BCO2: variants seen among roughly 807,000 people sequenced by gnomAD.
BCO2 encodes carotenoid-cleaving dioxygenase, mitochondrial.
In BCO2, 56 loss-of-function variants were observed where a neutral mutation model predicts 65.8. The ratio of observed to expected loss-of-function variants is 0.85; its 90% CI spans 0.69 to 1.06. The LOEUF (loss-of-function observed/expected upper bound fraction) is 1.06, where lower values mean the gene tolerates loss of function less well. Ranked by LOEUF, BCO2 falls within the 50% of genes least tolerant of loss-of-function variation. BCO2 has a pLI of 0.00. For missense variants in BCO2, 675 were observed against 698.5 expected, an observed-to-expected ratio of 0.97 and a Z score of 0.38; for synonymous variants, 233 against 242.3, an observed-to-expected ratio of 0.96 and a Z score of 0.36.
chr11:112,192,311 C>G (rs1867413621), intron 2 of BCO2, among the ~76,000 whole-genome samples: 1 of 152,090 alleles, frequency 6.6e-6, no homozygotes, highest in South Asian at 2.1e-4. Context: ...TTTGGGGAGG[C>G]AAAATTTCCC....
chr11:112,205,175 C>T (rs535525716), intron 8 of BCO2, among the ~76,000 whole-genome samples: 59 of 152,248 alleles, frequency 3.9e-4, no homozygotes, highest in African/African-American at 1.4e-3. Context: ...ACCTCTACCC[C>T]ACTCCGTGTT....
At chr11:112,206,172 C>A (rs1376844913) in intron 8 of BCO2, among the ~76,000 whole-genome samples, 1 of 148,836 alleles carries the variant, frequency 6.7e-6, no homozygotes, top group Non-Finnish European at 1.5e-5. Context: ...GGGGGCCGGG[C>A]AGAGGCGCTC....
rs1158912016 is a variant in BCO2, at chr11:112,200,646, A to T, written c.899A>T (p.Gln300Leu). 4.3e-6 allele frequency: 7 copies of T among 1,611,404 alleles called. No homozygotes were observed. The East Asian group carries it at 1.3e-4, about 31-fold the overall frequency. ...AGGAACTATATAATTTTCATTGAAC[A>T]ACCTCTAAAGATGAACCTGTGGAAA... ...MTRNYIIFIE[Q>L]PLKMNLWKIA... Residue 300 changes from glutamine to leucine, a missense_variant, in exon 7 of 12, where the codon CAA becomes CTA. Physicochemically the swap from Gln to Leu is moderately radical, Grantham distance 113. Coordinates refer to ENST00000357685, the MANE Select transcript of BCO2 (RefSeq NM_031938.7).
chr11:112,218,852 C>T lies in BCO2; in HGVS notation c.*978C>T, dbSNP rs1358504580. 1.3e-5 allele frequency: 2 copies of T among 152,026 alleles called. No homozygotes were observed. The highest frequency in any genetic ancestry group is 2.9e-5 in the Non-Finnish European group (2 of 68,018). 9.4% of individuals were successfully genotyped at this position (152,026 alleles called of 1,614,324 possible). A position where few individuals can be genotyped will look rare whatever the true frequency, so the allele number is the denominator to read the frequency against. On this transcript the variant is annotated 3_prime_UTR_variant, in exon 12 of 12. Transcript: ENST00000357685. ...AATAATTAAGAAAGTATTGATACAACCTTTTGAAGAGGGTTTTAAATTTCA... is the reference window on the plus strand; with the variant it reads ...AATAATTAAGAAAGTATTGATACAATCTTTTGAAGAGGGTTTTAAATTTCA...
chr11:112,198,487 G>T (rs987544769), intron 5 of BCO2, among the ~76,000 whole-genome samples: 9 of 151,956 alleles, frequency 5.9e-5, no homozygotes, highest in Admixed American at 5.3e-4. Flanking sequence ...AATAAATAAA[G>T]AACTGTACTG....
intron 2 of BCO2, 122 bp downstream of exon 2, chr11:112,179,604 T>A: frequency 2.3e-6 from 2 of 884,984 alleles, no homozygotes; most frequent in Non-Finnish European, 3.5e-6. Flanking sequence ...TGATTACAGA[T>A]AAAGAAACTG....
chr11:112,211,114 C>T (rs963129200), intron 8 of BCO2, among the ~76,000 whole-genome samples: 2 of 152,118 alleles, frequency 1.3e-5, no homozygotes, highest in Non-Finnish European at 2.9e-5. Context: ...CTGTTCCCCC[C>T]ACCTCCAGTC....
In BCO2 at chr11:112,214,948, A is replaced by AT; in HGVS notation, c.1515+5dup. The AT allele has an allele frequency of 1.2e-6, 2 of 1,614,086 alleles. No individual in the cohort carries two copies. Among genetic ancestry groups the AT allele is most frequent in the South Asian group, 2.2e-5 (2 of 91,082 alleles). ...TGTGGTGAATAAGACACTGAAGGTGATGAAAAACTCTTTCCTTTTTGAACT... is the reference window on the plus strand; with the variant it reads ...TGTGGTGAATAAGACACTGAAGGTGATTGAAAAACTCTTTCCTTTTTGAACT... On this transcript the variant is annotated splice_donor_region_variant and intron_variant, in intron 10 of 11. Transcript: ENST00000357685.
chr11:112,178,128 A>G (rs939225830), intron 1 of BCO2, among the ~76,000 whole-genome samples: 2 of 151,536 alleles, frequency 1.3e-5, no homozygotes, highest in African/African-American at 4.9e-5. Flanking sequence ...TTGGCCAGAC[A>G]GGTCTCGAAC....
chr11:112,212,204 G>T (rs972751623), intron 8 of BCO2, among the ~76,000 whole-genome samples: 5 of 152,232 alleles, frequency 3.3e-5, no homozygotes, highest in Non-Finnish European at 5.9e-5. Flanking sequence ...GAGGAAAATG[G>T]GCTTAAAGCA....
At chr11:112,198,622 A>G (rs1484261414) in intron 5 of BCO2, among the ~76,000 whole-genome samples, 1 of 152,080 alleles carries the variant, frequency 6.6e-6, no homozygotes, top group African/African-American at 2.4e-5. Context: ...AGGGAAGACT[A>G]CTTGAGGAGT....
intron 4 of BCO2, 50 bp from the exon 5 acceptor site, chr11:112,194,603 G>A: frequency 9.3e-7 from 1 of 1,081,022 alleles, no homozygotes; most frequent in Non-Finnish European, 1.4e-6. Context: ...ATTTATGCAT[G>A]TGAATAGAGA....
At chr11:112,184,606 A>G (rs1417634266) in intron 2 of BCO2, among the ~76,000 whole-genome samples, 1 of 152,176 alleles carries the variant, frequency 6.6e-6, no homozygotes, top group Non-Finnish European at 1.5e-5. Context: ...AAAAATATAT[A>G]TAAAGTAAAA....
chr11:112,194,823 T>C, intron 5 of BCO2, 68 bp downstream of exon 5: 2 of 1,122,370 alleles, frequency 1.8e-6, no homozygotes, highest in Non-Finnish European at 2.6e-6. Context: ...TAAAGATGAA[T>C]ACTACAGGTT....
At chr11:112,213,221 G>T (rs1036115083) in intron 8 of BCO2, among the ~76,000 whole-genome samples, 1 of 117,364 alleles carries the variant, frequency 8.5e-6, no homozygotes, top group Non-Finnish European at 1.6e-5. Context: ...TCGGCTCACC[G>T]CAACTTCCAC....
intron 10 of BCO2, 53 bp downstream of exon 10, chr11:112,214,997 T>C: frequency 1.3e-6 from 2 of 1,536,996 alleles, no homozygotes; most frequent in Non-Finnish European, 1.8e-6. Context: ...TTCTTCCCTT[T>C]GAATTAGTTT....
At chr11:112,194,868 C>T (rs897733987) in intron 5 of BCO2, 113 bp downstream of exon 5, 2 of 658,514 alleles carry the variant, frequency 3.0e-6, no homozygotes, top group Non-Finnish European at 5.3e-6. Flanking sequence ...AGAGGGTGCT[C>T]TGGACACCTC....
At chr11:112,178,102 A>G (rs1866934097) in intron 1 of BCO2, among the ~76,000 whole-genome samples, 1 of 150,794 alleles carries the variant, frequency 6.6e-6, no homozygotes, top group South Asian at 2.1e-4. Context: ...TTTAGTAAAG[A>G]TGGGCTTTCA....
rs1362305032 is a variant in BCO2, at chr11:112,179,431, A to G, written c.242A>G (p.Asn81Ser). 34 of 1,614,074 alleles carry G rather than the reference A, an allele frequency of 2.1e-5. 1 individual carries two copies. The highest frequency in any genetic ancestry group is 3.3e-4 in the Middle Eastern group (2 of 6,084). ...RVWGHFPKWLNGSLLRIGPGK... is the reference protein window; with the variant it reads ...RVWGHFPKWLSGSLLRIGPGK... ...TGGGGACATTTTCCTAAGTGGCTCAATGGCTCTCTACTTCGAATTGGACCT... is the reference window on the plus strand; with the variant it reads ...TGGGGACATTTTCCTAAGTGGCTCAGTGGCTCTCTACTTCGAATTGGACCT... The change falls in exon 2 of 12, where the codon AAT becomes AGT. Residue 81 changes from asparagine (N) to serine (S), a missense_variant. Asn to Ser is a conservative substitution (Grantham distance 46). Coordinates refer to ENST00000357685, the MANE Select transcript of BCO2 (RefSeq NM_031938.7).
Sources: allele counts gnomAD v4.1 joint callset (sites outside exome capture counted in the v4.1 genomes callset), GRCh38; gene constraint gnomAD v4.1.1; transcripts MANE v1.5; gene names NCBI Gene and HGNC (gene_info 2026-07-23, HGNC 2026-07-21).